The following TDRD5 variants were observed in gnomAD, a reference collection of about 807,000 sequenced individuals.
TDRD5 encodes tudor domain containing 5.
In TDRD5, 41 loss-of-function variants were observed where a neutral mutation model predicts 120.6. The observed-to-expected ratio is 0.34, with a 90% CI of 0.26 to 0.44. TDRD5 has a LOEUF of 0.44. TDRD5 is among the 20% of genes least tolerant of loss of function. The pLI is 1.00. For missense variants in TDRD5, 1,006 were observed against 1,221.2 expected (o/e 0.82, Z 2.63); for synonymous variants, 430 against 433.7 (o/e 0.99, Z 0.11).
Position 179,593,878 on chromosome 1 carries a change from G to T in TDRD5, c.640+11G>T. The T allele has an allele frequency of 1.2e-6, 2 of 1,607,438 alleles. No individual in the cohort carries two copies. Among genetic ancestry groups the T allele is most frequent in the South Asian group, 2.2e-5 (2 of 90,278 alleles). ...GAGGATGTCCAGCAGGTACGCATGT[G>T]AGCAAATGTTGGAGCAGTCATGGCA... On this transcript the variant is annotated intron_variant, in intron 3 of 17. Coordinates refer to ENST00000444136, the MANE Select transcript of TDRD5 (RefSeq NM_001199085.3).
rs116621310 is a variant in TDRD5, at chr1:179,678,339, C to T, written c.2860+8935C>T. Among the ~76,000 whole-genome samples, 351 of 152,274 alleles carry T rather than the reference C, an allele frequency of 2.3e-3. 6 individuals carry two copies. The highest frequency in any genetic ancestry group is 7.9e-3 in the African/African-American group (327 of 41,556). ...ATTTGCCCCAGACCATGAGCCTCCCCGTTGAGAAAGCAAGCAGACTCACAG... is the reference window on the plus strand; with the variant it reads ...ATTTGCCCCAGACCATGAGCCTCCCTGTTGAGAAAGCAAGCAGACTCACAG... On this transcript the variant is annotated intron_variant, in intron 17 of 17. Coordinates refer to ENST00000444136, the MANE Select transcript of TDRD5 (RefSeq NM_001199085.3).
At chr1:179,648,385 G>A (rs1255046205) in intron 11 of TDRD5, among the ~76,000 whole-genome samples, 1 of 125,604 alleles carries the variant, frequency 8.0e-6, no homozygotes, top group East Asian at 2.4e-4. Flanking sequence ...CTCATAGATG[G>A]GAATTGAACA....
At chr1:179,655,786 A>G (rs1349365258) in intron 14 of TDRD5, among the ~76,000 whole-genome samples, 3 of 152,222 alleles carry the variant, frequency 2.0e-5, no homozygotes, top group South Asian at 4.1e-4. Flanking sequence ...TGCATGTATC[A>G]ATAATATGTT....
chr1:179,660,353 G>A (rs1679245442), intron 14 of TDRD5, among the ~76,000 whole-genome samples: 1 of 151,238 alleles, frequency 6.6e-6, no homozygotes, highest in Non-Finnish European at 1.5e-5. Flanking sequence ...CCGAGTAGCT[G>A]GGACTCCAGG....
intron 6 of TDRD5, among the ~76,000 whole-genome samples, chr1:179,621,562 A>G (rs1676845037): frequency 6.6e-6 from 1 of 152,208 alleles, no homozygotes; most frequent in African/African-American, 2.4e-5. Flanking sequence ...AGCACAACAC[A>G]GGAACAAATG....
At position 179,654,354 on chromosome 1, in the gene TDRD5, G is replaced by A; in HGVS notation, c.2314G>A (p.Glu772Lys). 1 of 1,526,724 alleles carries A rather than the reference G, an allele frequency of 6.5e-7. No individual in the cohort carries two copies. Among genetic ancestry groups the A allele is most frequent in the Non-Finnish European group, 8.8e-7 (1 of 1,135,688 alleles). The allele number at this position is 1,526,724 out of a possible 1,614,324, so 94.6% of individuals were successfully genotyped here. Reference sequence around the variant, plus strand: ...CCCAGAACCAAACGATCTGAAGGAAGAAAATGAGGTAGGAGAAGGAAAGAT... The same window carrying A: ...CCCAGAACCAAACGATCTGAAGGAAAAAAATGAGGTAGGAGAAGGAAAGAT... ...SNPEPNDLKE[E>K]NEDEIPTGMP... The change falls in exon 14 of 18, where the codon GAA (glutamate) becomes AAA (lysine). Residue 772 changes from glutamate to lysine, a missense_variant. By Grantham distance (56) the Glu-to-Lys change is moderately conservative. Around this residue, in one of 3 missense-constraint regions of TDRD5, gnomAD observed 403 missense variants for 448.1 expected, o/e 0.90. Coordinates refer to ENST00000444136, the MANE Select transcript of TDRD5 (RefSeq NM_001199085.3).
In TDRD5 at chr1:179,595,850, A is replaced by G. The variant is rs548662992; in HGVS notation, c.831+32A>G. On this transcript the variant is annotated intron_variant, in intron 4 of 17. Transcript: ENST00000444136. ...GATAAGAATTTGGAGATATAAATAT[A>G]CGATGTTTTTAAATTCAGTGGTGTT... 398 of 1,557,588 alleles carry G rather than the reference A, an allele frequency of 2.6e-4. 3 individuals are homozygous for G. In the South Asian group the frequency reaches 4.6e-3, roughly 18 times the overall value.
Position 179,651,989 on chromosome 1 carries a change from T to C in TDRD5, c.2002-50T>C, listed in dbSNP as rs1678742980. On this transcript the variant is annotated intron_variant, in intron 12 of 17. Transcript: ENST00000444136. The stretch of plus-strand genomic sequence containing the variant: ...GTTATTAAGTGCTTTCTCGCCCTTT[T>C]TCTGTTGGTCATGTAAATTAAACCA... 3 of 1,584,034 alleles carry C rather than the reference T, an allele frequency of 1.9e-6. No homozygotes were observed. The East Asian group carries it at 6.7e-5, about 36-fold the overall frequency.
intron 4 of TDRD5, among the ~76,000 whole-genome samples, chr1:179,604,844 AT>A (rs564202356): frequency 3.3e-5 from 5 of 152,142 alleles, no homozygotes; most frequent in Non-Finnish European, 5.9e-5. Flanking sequence ...TAAAATGTGT[AT>A]TCTGCAGTTG....
At chr1:179,609,098 C>T (rs568274902) in intron 4 of TDRD5, among the ~76,000 whole-genome samples, 8 of 152,100 alleles carry the variant, frequency 5.3e-5, no homozygotes, top group South Asian at 2.1e-4. Context: ...GCTCTCTCCA[C>T]GGGAACACCC....
chr1:179,684,681 C>T (rs1680604880), intron 17 of TDRD5, among the ~76,000 whole-genome samples: 1 of 152,186 alleles, frequency 6.6e-6, no homozygotes. Flanking sequence ...AAAAGTGTTC[C>T]TATTTCTCCA....
Position 179,595,763 on chromosome 1 carries a change from C to G in TDRD5, c.776C>G (p.Ser259Cys). ...CAAATAATGAGCATGGAAAAGACTTCCAAGTTAAATGTAGTGGAGACTTCA... is the reference window on the plus strand; with the variant it reads ...CAAATAATGAGCATGGAAAAGACTTGCAAGTTAAATGTAGTGGAGACTTCA... Reference protein sequence around the residue: ...PKQIMSMEKTSKLNVVETSRL... With the variant: ...PKQIMSMEKTCKLNVVETSRL... The change falls in exon 4 of 18, where the codon TCC becomes TGC. Residue 259 changes from serine to cysteine, a missense_variant. Around this residue, in one of 3 missense-constraint regions of TDRD5, gnomAD observed 445 missense variants for 515.5 expected, o/e 0.86. Coordinates refer to ENST00000444136, the MANE Select transcript of TDRD5 (RefSeq NM_001199085.3). 6.2e-7 allele frequency: 1 copy of G among 1,613,736 alleles called. No homozygotes were observed. The highest frequency in any genetic ancestry group is 8.5e-7 in the Non-Finnish European group (1 of 1,179,804).
intron 6 of TDRD5, among the ~76,000 whole-genome samples, chr1:179,630,114 C>T (rs1158880778): frequency 6.6e-6 from 1 of 151,996 alleles, no homozygotes; most frequent in African/African-American, 2.4e-5. Context: ...TCTCCGGCCT[C>T]AGCCTCACGA....
intron 4 of TDRD5, among the ~76,000 whole-genome samples, chr1:179,611,496 C>T (rs1373248996): frequency 6.6e-6 from 1 of 152,108 alleles, no homozygotes; most frequent in East Asian, 1.9e-4. Context: ...AAGTAGACTA[C>T]CCTACCATTT....
In TDRD5 at chr1:179,628,919, T is replaced by TTTGTTGTTGTTGTTG. The variant is rs141689839; in HGVS notation, c.973-1836_973-1822dup. ...AAGTGATTGCTAGGTGACTGAGGAATTTGTTGTTGTTGTTGTTGTTGTTGT... is the reference window on the plus strand; with the variant it reads ...AAGTGATTGCTAGGTGACTGAGGAATTTGTTGTTGTTGTTGTTGTTGTTGTTGTTGTTGTTGTTGT... On this transcript the variant is annotated intron_variant, in intron 6 of 17. Coordinates refer to ENST00000444136, the MANE Select transcript of TDRD5 (RefSeq NM_001199085.3). Among the ~76,000 whole-genome samples the TTTGTTGTTGTTGTTG allele has an allele frequency of 9.8e-3, 1,482 of 151,288 alleles. 8 individuals are homozygous for TTTGTTGTTGTTGTTG. Among genetic ancestry groups the TTTGTTGTTGTTGTTG allele is most frequent in the Non-Finnish European group, 0.016 (1,094 of 67,776 alleles).
In TDRD5 at chr1:179,690,939, C is replaced by T; in HGVS notation, c.3104C>T (p.Ala1035Val). Residue 1035 changes from alanine (A) to valine (V), a missense_variant, in exon 18 of 18, where the codon GCA (alanine) becomes GTA (valine). Transcript: ENST00000444136. ...TACCCCAGTGTGAAAAGGATGGAAG[C>T]ATGAGGGAGGGAGGGAGGAGGGAGA... is the stretch of plus-strand genomic sequence containing the variant. ...HWYPSVKRME[A>V] 5 of 1,608,488 alleles carry T rather than the reference C, an allele frequency of 3.1e-6. No individual in the cohort carries two copies. Among genetic ancestry groups the T allele is most frequent in the Non-Finnish European group, 4.3e-6 (5 of 1,176,330 alleles).
intron 6 of TDRD5, among the ~76,000 whole-genome samples, chr1:179,626,882 A>T (rs1037794360): frequency 6.6e-6 from 1 of 152,190 alleles, no homozygotes; most frequent in Non-Finnish European, 1.5e-5. Flanking sequence ...TGAAAACTAG[A>T]ATTCAAGTAA....
At chr1:179,653,418 T>C (rs527895221) in intron 13 of TDRD5, among the ~76,000 whole-genome samples, 1 of 152,286 alleles carries the variant, frequency 6.6e-6, no homozygotes, top group Non-Finnish European at 1.5e-5. Context: ...TATGTACCGA[T>C]GTTTCCTACT....
chr1:179,683,305 A>C (rs1195606171), intron 17 of TDRD5, among the ~76,000 whole-genome samples: 1 of 152,208 alleles, frequency 6.6e-6, no homozygotes, highest in African/African-American at 2.4e-5. Context: ...GTAAGGCAAG[A>C]GAGTAAATAT....
Sources: allele counts gnomAD v4.1 joint callset (sites outside exome capture counted in the v4.1 genomes callset), GRCh38; gene constraint gnomAD v4.1.1; regional missense constraint gnomAD v4.1.1; transcripts MANE v1.5; gene names NCBI Gene and HGNC (gene_info 2026-07-23, HGNC 2026-07-21).